Variants in MKLN1 observed in about 807,000 individuals in gnomAD.
MKLN1 encodes the protein muskelin 1.
In MKLN1, 18 loss-of-function variants were observed where a neutral mutation model predicts 99.0. The ratio of observed to expected loss-of-function variants is 0.18; its 90% CI spans 0.13 to 0.27. The LOEUF (loss-of-function observed/expected upper bound fraction) is 0.27, where lower values mean the gene tolerates loss of function less well. MKLN1 is among the 10% of genes least tolerant of loss of function. The pLI, the probability that MKLN1 is intolerant of heterozygous loss-of-function variation, is 1.00. For synonymous variants in MKLN1, 288 were observed against 293.2 expected (o/e 0.98, Z 0.18); for missense variants, 621 against 875.9 (o/e 0.71, Z 3.67).
At chr7:131,376,671 A>G (rs981551166) in intron 2 of MKLN1, among the ~76,000 whole-genome samples, 1 of 150,412 alleles carries the variant, frequency 6.6e-6, no homozygotes, top group Non-Finnish European at 1.5e-5. Context: ...TATATTTATA[A>G]TTTTTATATA....
At chr7:131,140,137 A>G (rs1563228755) in intron 1 of MKLN1, among the ~76,000 whole-genome samples, 2 of 152,120 alleles carry the variant, frequency 1.3e-5, no homozygotes, top group Non-Finnish European at 1.5e-5. Flanking sequence ...CTCTCTGCCA[A>G]ACTGGTCAGA....
chr7:131,181,830 T>C (rs1378560211), intron 2 of MKLN1, among the ~76,000 whole-genome samples: 4 of 152,142 alleles, frequency 2.6e-5, no homozygotes, highest in Non-Finnish European at 5.9e-5. Context: ...CAGCTAATTT[T>C]TGTATTTTTA....
chr7:131,357,413 C>T (rs553253668), intron 1 of MKLN1, among the ~76,000 whole-genome samples: 5 of 152,224 alleles, frequency 3.3e-5, no homozygotes, highest in African/African-American at 1.2e-4. Flanking sequence ...AATATTTTCC[C>T]TTTTGCATAC....
chr7:131,275,387 G>A (rs1456595145), intron 3 of MKLN1, among the ~76,000 whole-genome samples: 1 of 22,158 alleles, frequency 4.5e-5, no homozygotes, highest in Non-Finnish European at 8.9e-5. Flanking sequence ...TTTTTTTTTT[G>A]AGACGGAGTC....
rs568084611 is a variant in MKLN1 at position 131,375,604 on chromosome 7, G to T, written c.168+111G>T. The stretch of plus-strand genomic sequence containing the variant: ...AATAGTTTATTCTCTTTTTGAGATT[G>T]TGAGGTAAATTTTTATTCTCTCTAT... On this transcript the variant is annotated intron_variant, in intron 2 of 17. Coordinates refer to ENST00000352689, the MANE Select transcript of MKLN1 (RefSeq NM_013255.5). 1.4e-4 allele frequency: 96 copies of T among 669,236 alleles called. No homozygotes were observed. The African/African-American group carries it at 1.5e-3, about 10-fold the overall frequency. The allele number at this position is 669,236 out of a possible 1,614,324, so 41.5% of individuals were successfully genotyped here.
intron 14 of MKLN1, among the ~76,000 whole-genome samples, chr7:131,465,751 G>A (rs1392579848): frequency 6.6e-6 from 1 of 152,102 alleles, no homozygotes; most frequent in East Asian, 1.9e-4. Flanking sequence ...GTGTTCGCCA[G>A]GATGGTCTCA....
intron 3 of MKLN1, among the ~76,000 whole-genome samples, chr7:131,227,969 A>C (rs1450414698): frequency 6.6e-6 from 1 of 152,232 alleles, no homozygotes; most frequent in Non-Finnish European, 1.5e-5. Context: ...TCTGTCCCCC[A>C]GTAGGGCCCA....
intron 12 of MKLN1, among the ~76,000 whole-genome samples, chr7:131,448,855 T>C (rs1796095697): frequency 1.3e-5 from 2 of 152,338 alleles, no homozygotes; most frequent in South Asian, 4.1e-4. Flanking sequence ...TCTACTAGCA[T>C]CTAAGTTTGT....
At chr7:131,467,074 A>G (rs963541531) in intron 15 of MKLN1, among the ~76,000 whole-genome samples, 2 of 152,202 alleles carry the variant, frequency 1.3e-5, no homozygotes, top group Non-Finnish European at 2.9e-5. Context: ...CTTTAGGGCC[A>G]GGTGCAGTGG....
chr7:131,305,091 G>A (rs866329997), intron 3 of MKLN1, among the ~76,000 whole-genome samples: 6 of 152,108 alleles, frequency 3.9e-5, no homozygotes, highest in African/African-American at 2.4e-5. Flanking sequence ...CTGAACCTGC[G>A]GGCGCCTTGA....
intron 12 of MKLN1, among the ~76,000 whole-genome samples, chr7:131,454,810 T>C (rs1158193193): frequency 2.0e-5 from 3 of 152,230 alleles, no homozygotes; most frequent in Non-Finnish European, 4.4e-5. Flanking sequence ...AAGAATTCTT[T>C]GCCTCCCTGC....
At chr7:131,393,184 C>T (rs1379155997) in intron 4 of MKLN1, among the ~76,000 whole-genome samples, 2 of 152,144 alleles carry the variant, frequency 1.3e-5, no homozygotes, top group Non-Finnish European at 2.9e-5. Context: ...ATGACTGAAT[C>T]CTAGAATACA....
intron 3 of MKLN1, among the ~76,000 whole-genome samples, chr7:131,237,891 A>G (rs1040618064): frequency 6.6e-6 from 1 of 152,180 alleles, no homozygotes; most frequent in African/African-American, 2.4e-5. Flanking sequence ...TCAGATCTAT[A>G]ATTTCAGCAC....
intron 2 of MKLN1, among the ~76,000 whole-genome samples, chr7:131,166,571 G>A (rs1796128131): frequency 6.6e-6 from 1 of 152,142 alleles, no homozygotes. Context: ...CCCAAACATT[G>A]CCCGACATGG....
chr7:131,375,340 T>C (rs1793608845), intron 1 of MKLN1, 84 bp from the exon 2 acceptor site: 2 of 848,866 alleles, frequency 2.4e-6, no homozygotes. Flanking sequence ...TACATAACTT[T>C]ATGATAATTT....
At chr7:131,133,788 A>C in intron 1 of MKLN1, among the ~76,000 whole-genome samples, 1 of 130,538 alleles carries the variant, frequency 7.7e-6, no homozygotes, top group Non-Finnish European at 1.6e-5. Context: ...CACCCGGCCC[A>C]GGTTGACTTC....
At chr7:131,346,296 G>A (rs1024357580) in intron 1 of MKLN1, among the ~76,000 whole-genome samples, 1 of 152,346 alleles carries the variant, frequency 6.6e-6, no homozygotes, top group African/African-American at 2.4e-5. Context: ...GCCAAGGCAG[G>A]TGGATCACTT....
chr7:131,151,462 A>C (rs1032670944), intron 2 of MKLN1, among the ~76,000 whole-genome samples: 13 of 152,236 alleles, frequency 8.5e-5, no homozygotes, highest in Admixed American at 3.3e-4. Context: ...TATAAATTTA[A>C]GATTATCCTA....
intron 3 of MKLN1, among the ~76,000 whole-genome samples, chr7:131,262,232 G>A (rs781294929): frequency 1.3e-4 from 20 of 151,976 alleles, no homozygotes; most frequent in Admixed American, 3.3e-4. Context: ...TCAAGAGATC[G>A]AGACCATCCT....
Sources: allele counts gnomAD v4.1 joint callset (sites outside exome capture counted in the v4.1 genomes callset), GRCh38; gene constraint gnomAD v4.1.1; transcripts MANE v1.5; gene names NCBI Gene and HGNC (gene_info 2026-07-23, HGNC 2026-07-21).